CASD1: variants seen among roughly 807,000 people sequenced by gnomAD.
CASD1 encodes the protein N-acetylneuraminate (7)9-O-acetyltransferase.
A neutral mutation model predicts 100.0 loss-of-function variants in CASD1; 41 were observed. The observed-to-expected ratio is 0.41, with a 90% CI of 0.32 to 0.53. CASD1 has a LOEUF of 0.53. Ranked by LOEUF, CASD1 falls within the 20% of genes least tolerant of loss-of-function variation. The pLI is 0.25. For synonymous variants in CASD1, 321 were observed against 315.6 expected (o/e 1.02, Z -0.18); for missense variants, 774 against 948.7 (o/e 0.82, Z 2.42).
rs369556546 is a variant in CASD1 at position 94,518,121 on chromosome 7, C to CT, written c.231-79dup. ...TGGTATGTGTAACAATCTGGATCAA[C>CT]TTTCTTCAAAAACGGTGTGCTTTGA... On this transcript the variant is annotated intron_variant, in intron 2 of 17. Coordinates refer to ENST00000297273, the MANE Select transcript of CASD1 (RefSeq NM_022900.5). The CT allele has an allele frequency of 2.3e-4, 305 of 1,343,246 alleles. No individual in the cohort carries two copies. In the African/African-American group the frequency reaches 4.2e-3, roughly 19 times the overall value. 83.2% of individuals were successfully genotyped at this position (1,343,246 alleles called of 1,614,324 possible).
At chr7:94,559,306 A>ATG (rs371189142), downstream of CASD1, among the ~76,000 whole-genome samples, 1,006 of 87,124 alleles carry the variant, frequency 0.012, 12 homozygotes, top group African/African-American at 0.05. Context: ...GTGTGTGTGT[A>ATG]TGTGTGTGTG....
chr7:94,535,197 T>G (rs1296810557), intron 7 of CASD1, 112 bp from the exon 8 acceptor site: 1 of 753,200 alleles, frequency 1.3e-6, no homozygotes. Flanking sequence ...CCTGGTACCA[T>G]CTATACTTTT....
At chr7:94,552,146 C>T (rs1795980893) in intron 15 of CASD1, 5 of 517,754 alleles carry the variant, frequency 9.7e-6, no homozygotes, top group East Asian at 7.1e-5. Context: ...TTGTGCACCT[C>T]CCTCTGTGCT....
rs1261080792 is a variant in CASD1 at position 94,509,860 on chromosome 7, C to T, written c.-225C>T. ...AACCGGCACGGCGGAGCAGCGGCGG[C>T]GGGGCTGGGGGGAGGCCGCCGAGTC... On this transcript the variant is annotated 5_prime_UTR_variant, in exon 1 of 18. Transcript: ENST00000297273. 3.9e-6 allele frequency: 4 copies of T among 1,013,000 alleles called. No homozygotes were observed. The East Asian group carries it at 3.0e-4, about 76-fold the overall frequency. 62.8% of individuals were successfully genotyped at this position (1,013,000 alleles called of 1,614,324 possible). A position where few individuals can be genotyped will look rare whatever the true frequency, so the allele number is the denominator to read the frequency against.
the CASD1 span, among the ~76,000 whole-genome samples, chr7:94,610,127 T>G: frequency 6.6e-6 from 1 of 152,218 alleles, no homozygotes. Flanking sequence ...GACTACATGA[T>G]TCCAATTATA....
At chr7:94,626,131 T>G in the CASD1 span, 9 of 152,128 alleles carry the variant, frequency 5.9e-5, no homozygotes, top group African/African-American at 2.2e-4. Context: ...TAGTGAAATA[T>G]CTGTTTCTTA....
chr7:94,532,102 A>G (rs1332472273), intron 5 of CASD1, among the ~76,000 whole-genome samples: 1 of 152,140 alleles, frequency 6.6e-6, no homozygotes, highest in Non-Finnish European at 1.5e-5. Flanking sequence ...ATTGCTATAT[A>G]TTATAAATAG....
At position 94,510,033 on chromosome 7, in the gene CASD1, T is replaced by G. The variant is rs1793608091; in HGVS notation, c.-52T>G. ...GGCGGCAGCCCCAGTGCTGCCCCTG[T>G]GCGGCGCCCCTTTCCCGCTCCGCCG... On this transcript the variant is annotated 5_prime_UTR_variant, in exon 1 of 18. Transcript: ENST00000297273. 6.9e-7 allele frequency: 1 copy of G among 1,458,416 alleles called. No individual in the cohort carries two copies. 90.3% of individuals were successfully genotyped at this position (1,458,416 alleles called of 1,614,324 possible).
chr7:94,558,825 G>A (rs1336227254), downstream of CASD1, among the ~76,000 whole-genome samples: 1 of 151,780 alleles, frequency 6.6e-6, no homozygotes, highest in African/African-American at 2.4e-5. Flanking sequence ...TTTGAGGCAG[G>A]GTCTTACTCT....
the CASD1 span, among the ~76,000 whole-genome samples, chr7:94,577,948 A>C: frequency 2.0e-5 from 3 of 152,154 alleles, no homozygotes; most frequent in African/African-American, 7.2e-5. Context: ...GGAGCTACCA[A>C]ACAGCTGGTT....
chr7:94,600,362 C>T, the CASD1 span: 1 of 372,082 alleles, frequency 2.7e-6, no homozygotes, highest in South Asian at 2.8e-5. Context: ...GCTTGTATAA[C>T]CAAAATATCT....
intron 17 of CASD1, 81 bp downstream of exon 17, chr7:94,554,656 A>T: frequency 1.2e-6 from 1 of 840,810 alleles, no homozygotes; most frequent in Non-Finnish European, 2.0e-6. Context: ...TGTAAATATC[A>T]CACATATATG....
chr7:94,618,003 A>T, the CASD1 span: 3 of 152,234 alleles, frequency 2.0e-5, no homozygotes, highest in Non-Finnish European at 4.4e-5. Flanking sequence ...TGAGGTAGGA[A>T]AAGCAAATCT....
the CASD1 span, among the ~76,000 whole-genome samples, chr7:94,583,661 G>C: frequency 1.1e-3 from 162 of 152,216 alleles, 2 homozygotes; most frequent in African/African-American, 3.8e-3. Context: ...ATCTAAATCT[G>C]AGTTTACTGG....
chr7:94,554,345 T>C (rs895556216), intron 16 of CASD1, 138 bp from the exon 17 acceptor site: 3 of 568,350 alleles, frequency 5.3e-6, no homozygotes, highest in East Asian at 5.8e-5. Flanking sequence ...TCTAATACTT[T>C]TAGAATATAA....
chr7:94,535,794 T>TA (rs1301310000), intron 8 of CASD1, among the ~76,000 whole-genome samples: 1 of 152,216 alleles, frequency 6.6e-6, no homozygotes, highest in Non-Finnish European at 1.5e-5. Context: ...ACTGTTAATA[T>TA]ACATTGTCTC....
intron 3 of CASD1, among the ~76,000 whole-genome samples, chr7:94,522,602 T>C (rs923955875): frequency 5.3e-5 from 8 of 152,176 alleles, no homozygotes; most frequent in Admixed American, 3.3e-4. Flanking sequence ...GAAAATACAC[T>C]TTACAATCAG....
At chr7:94,545,423 C>T in intron 11 of CASD1, 122 bp from the exon 12 acceptor site, 1 of 621,016 alleles carries the variant, frequency 1.6e-6, no homozygotes. Context: ...TATACTTGTA[C>T]AGTCATTATT....
At chr7:94,542,326 G>A (rs770470092) in intron 10 of CASD1, among the ~76,000 whole-genome samples, 7 of 152,128 alleles carry the variant, frequency 4.6e-5, no homozygotes, top group Non-Finnish European at 8.8e-5. Context: ...TGAGCACTTC[G>A]TAGCTAGTCA....
Sources: gnomAD v4.1 joint callset for allele counts (sites outside exome capture counted in the v4.1 genomes callset) on GRCh38, gnomAD v4.1.1 for gene constraint, MANE v1.5 for transcripts, NCBI Gene and HGNC (gene_info 2026-07-23, HGNC 2026-07-21) for gene names.